Variants in ZNF536 observed in about 807,000 individuals in gnomAD.
ZNF536 encodes zinc finger protein 536.
ZNF536 carries 13 observed loss-of-function variants against 84.5 expected under a neutral mutation model. The observed-to-expected ratio is 0.15, with a 90% confidence interval of 0.10 to 0.24. ZNF536 has a LOEUF of 0.24. Among genes scored for constraint, ZNF536 ranks in the 10% least tolerant of loss-of-function variants. ZNF536 has a pLI of 1.00. For synonymous variants in ZNF536, 811 were observed against 742.5 expected (o/e 1.09, Z -1.50); for missense variants, 1,536 against 1,747.5 (o/e 0.88, Z 2.16).
At chr19:30,572,369 G>C (rs1393815344) in intron 1 of ZNF536, among the ~76,000 whole-genome samples, 2 of 152,154 alleles carry the variant, frequency 1.3e-5, no homozygotes, top group Non-Finnish European at 2.9e-5. Context: ...GCACCCAAGG[G>C]GGGCAGCTGT....
intron 1 of ZNF536, among the ~76,000 whole-genome samples, chr19:30,635,324 A>T (rs1046395592): frequency 6.6e-6 from 1 of 152,230 alleles, no homozygotes. Flanking sequence ...TGACAGTCCA[A>T]TTCTGCTCTT....
chr19:30,516,293 C>T (rs1353883179), intron 2 of ZNF536, among the ~76,000 whole-genome samples: 1 of 152,182 alleles, frequency 6.6e-6, no homozygotes, highest in Non-Finnish European at 1.5e-5. Flanking sequence ...TCCTCCTGGG[C>T]AGCTTCTCCC....
chr19:30,460,117 C>T (rs1000051553), intron 2 of ZNF536, among the ~76,000 whole-genome samples: 12 of 152,186 alleles, frequency 7.9e-5, no homozygotes, highest in African/African-American at 2.9e-4. Flanking sequence ...AGAGGTCTAG[C>T]AATGATCTTC....
At chr19:30,703,623 G>A (rs752426360) in intron 1 of ZNF536, among the ~76,000 whole-genome samples, 5 of 152,092 alleles carry the variant, frequency 3.3e-5, no homozygotes, top group Admixed American at 6.6e-5. Flanking sequence ...TGCTACCTGC[G>A]GCAGGAAGCA....
chr19:30,320,845 A>G (rs1369729439), intron 2 of ZNF536, among the ~76,000 whole-genome samples: 4 of 152,178 alleles, frequency 2.6e-5, no homozygotes, highest in Admixed American at 6.5e-5. Flanking sequence ...GAGAAGGCCC[A>G]CTGTGCGCCG....
At chr19:30,621,678 T>C (rs2048487046) in intron 1 of ZNF536, among the ~76,000 whole-genome samples, 1 of 152,248 alleles carries the variant, frequency 6.6e-6, no homozygotes. Flanking sequence ...ACAACAGACA[T>C]AAGCTGGGTG....
At chr19:30,622,744 G>A (rs1258448257) in intron 1 of ZNF536, among the ~76,000 whole-genome samples, 1 of 152,158 alleles carries the variant, frequency 6.6e-6, no homozygotes, top group Non-Finnish European at 1.5e-5. Flanking sequence ...GGGAGACGGG[G>A]AGGTCAGATG....
intron 1 of ZNF536, among the ~76,000 whole-genome samples, chr19:30,706,010 G>C (rs2052211973): frequency 6.6e-6 from 1 of 152,180 alleles, no homozygotes; most frequent in South Asian, 2.1e-4. Flanking sequence ...TTTATACCAA[G>C]TTGGCCAAAT....
chr19:30,682,758 C>A (rs1452494644), intron 1 of ZNF536, among the ~76,000 whole-genome samples: 3 of 152,146 alleles, frequency 2.0e-5, no homozygotes, highest in African/African-American at 7.2e-5. Context: ...TCCCCCAACA[C>A]CCTCCATCCA....
Position 30,443,515 on chromosome 19 carries a change from C to G in ZNF536, c.-2-46C>G, listed in dbSNP as rs370531956. 24 of 1,500,732 alleles carry G rather than the reference C, an allele frequency of 1.6e-5. No individual in the cohort carries two copies. The African/African-American group carries it at 3.2e-4, about 20-fold the overall frequency. The allele number at this position is 1,500,732 out of a possible 1,614,324, so 93.0% of individuals were successfully genotyped here. A position where few individuals can be genotyped will look rare whatever the true frequency, so the allele number is the denominator to read the frequency against. On this transcript the variant is annotated intron_variant, in intron 1 of 4. Transcript: ENST00000355537. ...CCGCCAATGCTGTTGATTCATGGCG[C>G]CACAGCCGCACCTGGCACGGATCTG...
intron 2 of ZNF536, among the ~76,000 whole-genome samples, chr19:30,515,655 A>G (rs1291289006): frequency 6.6e-6 from 1 of 152,170 alleles, no homozygotes; most frequent in Non-Finnish European, 1.5e-5. Flanking sequence ...TGGACAATAT[A>G]GAAGCAGATA....
chr19:30,426,871 C>A (rs1435808641), intron 1 of ZNF536, among the ~76,000 whole-genome samples: 1 of 152,136 alleles, frequency 6.6e-6, no homozygotes, highest in Non-Finnish European at 1.5e-5. Context: ...TGAGGGCATT[C>A]AATAATTTGT....
intron 1 of ZNF536, among the ~76,000 whole-genome samples, chr19:30,593,140 A>T (rs1599912557): frequency 6.6e-6 from 1 of 152,158 alleles, no homozygotes; most frequent in East Asian, 1.9e-4. Context: ...AAATACCCAC[A>T]ACTGGAGGCC....
chr19:30,236,474 G>GTA (rs1246458141), intron 1 of ZNF536, among the ~76,000 whole-genome samples: 1 of 148,394 alleles, frequency 6.7e-6, no homozygotes, highest in Non-Finnish European at 1.5e-5. Context: ...TTTTCACCCT[G>GTA]TGTGTACACA....
Position 30,293,647 on chromosome 19 carries a change from C to T in ZNF536, c.-120+9506C>T, listed in dbSNP as rs139218436. ...TAGGCCTGGCAGAGCTGGACTCTTACCCTTAGAGTTTTCTGGCTCGATTCA... is the reference window on the plus strand; with the variant it reads ...TAGGCCTGGCAGAGCTGGACTCTTATCCTTAGAGTTTTCTGGCTCGATTCA... On this transcript the variant is annotated intron_variant, in intron 2 of 5. Coordinates refer to the ZNF536 transcript ENST00000585628. Among the ~76,000 whole-genome samples, 102 of 152,296 alleles carry T rather than the reference C, an allele frequency of 6.7e-4. No individual in the cohort carries two copies. The East Asian group carries it at 0.016, about 23-fold the overall frequency.
chr19:30,656,062 C>T (rs1214763187), intron 1 of ZNF536, among the ~76,000 whole-genome samples: 1 of 151,982 alleles, frequency 6.6e-6, no homozygotes, highest in Non-Finnish European at 1.5e-5. Flanking sequence ...CCAACAAACC[C>T]ACTTTCATTG....
At chr19:30,609,523 A>AT (rs2048013804) in intron 1 of ZNF536, among the ~76,000 whole-genome samples, 1 of 152,184 alleles carries the variant, frequency 6.6e-6, no homozygotes, top group Admixed American at 6.5e-5. Context: ...TGGCTCTGAC[A>AT]TAGCTATTGT....
chr19:30,280,603 C>T (rs1017688013), intron 1 of ZNF536, among the ~76,000 whole-genome samples: 1 of 152,242 alleles, frequency 6.6e-6, no homozygotes, highest in Non-Finnish European at 1.5e-5. Context: ...GTGTGCACTG[C>T]CCACAGGCAG....
At position 30,549,131 on chromosome 19, in the gene ZNF536, A is replaced by G. The variant is rs1660630800; in HGVS notation, c.3512A>G (p.Asp1171Gly). ...GACATTGCCTCCTCAGAGGACATGGACTCCTCCAAGGGGGAGAACAACGAT... is the reference window on the plus strand; with the variant it reads ...GACATTGCCTCCTCAGAGGACATGGGCTCCTCCAAGGGGGAGAACAACGAT... The part of the protein sequence containing the change: ...LSDIASSEDM[D>G]SSKGENNDEE... The change falls in exon 4 of 5, where the codon GAC (aspartate) becomes GGC (glycine). Residue 1171 changes from aspartate (D) to glycine (G), a missense_variant. By Grantham distance (94) the Asp-to-Gly change is moderately conservative. Transcript: ENST00000355537. 1 of 1,613,988 alleles carries G rather than the reference A, an allele frequency of 6.2e-7. No individual in the cohort carries two copies. The highest frequency in any genetic ancestry group is 8.5e-7 in the Non-Finnish European group (1 of 1,180,008).
Sources: allele counts gnomAD v4.1 joint callset (sites outside exome capture counted in the v4.1 genomes callset), GRCh38; gene constraint gnomAD v4.1.1; transcripts MANE v1.5; gene names NCBI Gene and HGNC (gene_info 2026-07-23, HGNC 2026-07-21).